Variants in BTBD9 observed in about 807,000 individuals in gnomAD.
BTBD9 encodes the protein BTB domain containing 9, also known as BTB/POZ domain-containing protein 9.
In BTBD9, 49 loss-of-function variants were observed where a neutral mutation model predicts 64.3. The ratio of observed to expected loss-of-function variants is 0.76; its 90% CI spans 0.61 to 0.97. The LOEUF (loss-of-function observed/expected upper bound fraction) is 0.97, where lower values mean the gene tolerates loss of function less well. BTBD9 is among the 50% of genes least tolerant of loss of function. The pLI, the probability that BTBD9 is intolerant of heterozygous loss-of-function variation, is 0.00. For synonymous variants in BTBD9, 260 were observed against 274.7 expected (o/e 0.95, Z 0.53); for missense variants, 598 against 762.1 (o/e 0.78, Z 2.53).
intron 6 of BTBD9, among the ~76,000 whole-genome samples, chr6:38,551,307 G>A (rs923165107): frequency 5.3e-5 from 8 of 152,076 alleles, no homozygotes; most frequent in Non-Finnish European, 8.8e-5. Flanking sequence ...TGTTCACTCC[G>A]GGCAAAGGGC....
chr6:38,417,798 G>GAT lies in BTBD9; in HGVS notation c.1155-72706_1155-72705insAT, dbSNP rs1156380529. ...GAGGAGAGAGAGAGAGAGAGAGAGA[G>GAT]AGAAAAAAAATATTGACACATAACT... On this transcript the variant is annotated intron_variant, in intron 6 of 10. Transcript: ENST00000481247. Among the ~76,000 whole-genome samples, 582 of 103,616 alleles carry GAT rather than the reference G, an allele frequency of 5.6e-3. 5 individuals carry two copies. Among genetic ancestry groups the GAT allele is most frequent in the African/African-American group, 0.024 (543 of 22,402 alleles). The allele number at this position is 103,616 out of a possible 152,430, so 68.0% of individuals were successfully genotyped here.
At chr6:38,247,056 C>A (rs1229476295) in intron 9 of BTBD9, among the ~76,000 whole-genome samples, 6 of 152,054 alleles carry the variant, frequency 3.9e-5, no homozygotes, top group African/African-American at 1.4e-4. Context: ...CTGGAACCAA[C>A]CCAAAGTTTT....
chr6:38,467,902 C>G (rs747297228), intron 6 of BTBD9, among the ~76,000 whole-genome samples: 25 of 152,242 alleles, frequency 1.6e-4, no homozygotes, highest in Non-Finnish European at 3.2e-4. Flanking sequence ...AGTTCAGTGC[C>G]TCGTTATCAT....
chr6:38,418,419 C>T (rs552113032), intron 6 of BTBD9, among the ~76,000 whole-genome samples: 4 of 152,134 alleles, frequency 2.6e-5, no homozygotes, highest in African/African-American at 4.8e-5. Context: ...GCTCCTCCCC[C>T]ACCAAAGAGA....
chr6:38,312,527 T>C (rs1762875340), intron 7 of BTBD9, among the ~76,000 whole-genome samples: 1 of 152,222 alleles, frequency 6.6e-6, no homozygotes. Context: ...TTACTAGCTT[T>C]GTAGTTTGAG....
intron 6 of BTBD9, among the ~76,000 whole-genome samples, chr6:38,545,647 C>T (rs1211190821): frequency 1.3e-5 from 2 of 151,240 alleles, no homozygotes; most frequent in African/African-American, 4.9e-5. Context: ...GGCGTGGTGG[C>T]GGGCACCTGT....
chr6:38,283,512 G>C (rs963987896), intron 8 of BTBD9, among the ~76,000 whole-genome samples: 1 of 152,152 alleles, frequency 6.6e-6, no homozygotes, highest in African/African-American at 2.4e-5. Context: ...AGTCAGGTGT[G>C]GTGGTGCATG....
chr6:38,521,049 T>A (rs1384860463), intron 6 of BTBD9, among the ~76,000 whole-genome samples: 1 of 152,062 alleles, frequency 6.6e-6, no homozygotes, highest in Non-Finnish European at 1.5e-5. Context: ...TGCCATTCAT[T>A]TCCCAGGGCC....
intron 7 of BTBD9, among the ~76,000 whole-genome samples, chr6:38,336,946 C>A (rs1763916902): frequency 6.6e-6 from 1 of 152,050 alleles, no homozygotes; most frequent in Admixed American, 6.6e-5. Flanking sequence ...CTGCTTAATG[C>A]CAAGAAATTT....
chr6:38,226,242 T>C (rs940575278), intron 9 of BTBD9, among the ~76,000 whole-genome samples: 3 of 152,162 alleles, frequency 2.0e-5, no homozygotes, highest in African/African-American at 2.4e-5. Flanking sequence ...GGAGAACTGA[T>C]AAGATACTGA....
At chr6:38,589,234 G>A (rs769336071) in intron 4 of BTBD9, among the ~76,000 whole-genome samples, 10 of 152,032 alleles carry the variant, frequency 6.6e-5, no homozygotes, top group African/African-American at 9.7e-5. Context: ...TCTCCCTTTC[G>A]CAACTCATCT....
rs138639627 is a variant in BTBD9, at chr6:38,538,266, TTAAG to T, written c.1154+39330_1154+39333del. Among the ~76,000 whole-genome samples, 10 of 152,230 alleles carry T rather than the reference TTAAG, an allele frequency of 6.6e-5. No homozygotes were observed. In the East Asian group the frequency reaches 1.9e-3, roughly 29 times the overall value. ...GTTTTTTAAGATAAAAAAGTAATGG[TTAAG>T]TCCATAGTGTTAAACCCAAGAGACA... On this transcript the variant is annotated intron_variant, in intron 6 of 10. Transcript: ENST00000481247.
At chr6:38,337,464 C>G (rs1763938868) in intron 7 of BTBD9, among the ~76,000 whole-genome samples, 1 of 152,220 alleles carries the variant, frequency 6.6e-6, no homozygotes, top group Non-Finnish European at 1.5e-5. Context: ...TGTAAATTAG[C>G]ACTTCTGTAA....
intron 6 of BTBD9, among the ~76,000 whole-genome samples, chr6:38,418,763 A>G (rs745760680): frequency 2.0e-5 from 3 of 152,190 alleles, no homozygotes; most frequent in Non-Finnish European, 2.9e-5. Flanking sequence ...TTTAGACCTC[A>G]GGAATGAATT....
At chr6:38,341,912 G>A (rs1375012257) in intron 7 of BTBD9, among the ~76,000 whole-genome samples, 1 of 152,160 alleles carries the variant, frequency 6.6e-6, no homozygotes, top group African/African-American at 2.4e-5. Context: ...TCTTCTCGTG[G>A]CTATATGAAC....
intron 10 of BTBD9, among the ~76,000 whole-genome samples, chr6:38,187,707 G>A (rs1761878632): frequency 1.3e-5 from 2 of 152,172 alleles, no homozygotes; most frequent in African/African-American, 4.8e-5. Flanking sequence ...AGGAACAGGG[G>A]TCACAGAAGG....
At chr6:38,188,884 T>C (rs1031733415) in intron 10 of BTBD9, among the ~76,000 whole-genome samples, 15 of 152,194 alleles carry the variant, frequency 9.9e-5, no homozygotes, top group Non-Finnish European at 8.8e-5. Flanking sequence ...GAAGGCCGTC[T>C]GAGGACAGAA....
intron 6 of BTBD9, among the ~76,000 whole-genome samples, chr6:38,409,417 C>T (rs1188093636): frequency 1.3e-5 from 2 of 152,164 alleles, no homozygotes; most frequent in Non-Finnish European, 2.9e-5. Flanking sequence ...ATAGAGTACC[C>T]TGTAGTTGTT....
Position 38,192,406 on chromosome 6 carries a change from CT to C in BTBD9, c.1641+112del. On this transcript the variant is annotated intron_variant, in intron 10 of 10. Coordinates refer to ENST00000481247, the MANE Select transcript of BTBD9 (RefSeq NM_001099272.2). ...CAGGACTTTCTCCACACCAAGCTGTCTGAATAGCAGGCCATTAGCAGGCAGA... is the reference window on the plus strand; with the variant it reads ...CAGGACTTTCTCCACACCAAGCTGTCGAATAGCAGGCCATTAGCAGGCAGA... 4.3e-6 allele frequency: 4 copies of C among 936,734 alleles called. No homozygotes were observed. The South Asian group carries it at 4.5e-5, about 10-fold the overall frequency. 58.0% of individuals were successfully genotyped at this position (936,734 alleles called of 1,614,324 possible).
Sources: allele counts gnomAD v4.1 joint callset (sites outside exome capture counted in the v4.1 genomes callset), GRCh38; gene constraint gnomAD v4.1.1; transcripts MANE v1.5; gene names NCBI Gene and HGNC (gene_info 2026-07-23, HGNC 2026-07-21).